DAB1: variants seen among roughly 807,000 people sequenced by gnomAD.
DAB1 encodes the protein DAB adaptor protein 1.
Under a neutral mutation model 64.6 loss-of-function variants are expected in DAB1, and 15 were observed. That is an observed-to-expected ratio of 0.23 (90% CI 0.16 to 0.36). The LOEUF is 0.36. Ranked by LOEUF, DAB1 falls within the 10% of genes least tolerant of loss-of-function variation. DAB1 has a pLI of 1.00. For missense variants in DAB1, 596 were observed against 706.7 expected (o/e 0.84, Z 1.78); for synonymous variants, 235 against 251.9 (o/e 0.93, Z 0.64).
intron 5 of DAB1, among the ~76,000 whole-genome samples, chr1:57,929,152 T>A (rs1227194435): frequency 2.0e-5 from 3 of 152,222 alleles, no homozygotes; most frequent in Non-Finnish European, 4.4e-5. Context: ...TGCAGTGGTA[T>A]CTCATTGTCT....
At chr1:57,500,602 G>C (rs1644279518) in intron 7 of DAB1, among the ~76,000 whole-genome samples, 1 of 152,158 alleles carries the variant, frequency 6.6e-6, no homozygotes, top group South Asian at 2.1e-4. Flanking sequence ...AATCACAAGG[G>C]ATTTGTTTGG....
chr1:57,364,763 G>A (rs988300481), intron 1 of DAB1, among the ~76,000 whole-genome samples: 1 of 151,132 alleles, frequency 6.6e-6, no homozygotes, highest in Non-Finnish European at 1.5e-5. Flanking sequence ...TCAAAGTCAC[G>A]AGAAGAAGTT....
chr1:57,707,122 C>A (rs1473074033), intron 6 of DAB1, among the ~76,000 whole-genome samples: 2 of 151,954 alleles, frequency 1.3e-5, no homozygotes, highest in Middle Eastern at 3.2e-3. Flanking sequence ...CAGATATATT[C>A]TATCACTACA....
rs114793723 is a variant in DAB1, at chr1:57,121,491, C to T, written c.306+15052G>A. Among the ~76,000 whole-genome samples the T allele has an allele frequency of 4.9e-3, 737 of 151,868 alleles. 3 individuals are homozygous for T. Among genetic ancestry groups the T allele is most frequent in the Admixed American group, 0.011 (164 of 15,254 alleles). On this transcript the variant is annotated intron_variant, in intron 4 of 14. Coordinates refer to ENST00000371236, the MANE Select transcript of DAB1 (RefSeq NM_001365792.1). ...CAGCCTTGCAAAAAAGGAATTGTCC[C>T]AACTGGAAATGCTAATTTATGCTTC...
chr1:58,512,161 C>T (rs1320531799), intron 2 of DAB1, among the ~76,000 whole-genome samples: 1 of 152,000 alleles, frequency 6.6e-6, no homozygotes, highest in African/African-American at 2.4e-5. Context: ...TGTTCAATAT[C>T]ACTAATCATC....
chr1:58,027,642 T>C (rs1403167734), intron 5 of DAB1, among the ~76,000 whole-genome samples: 1 of 152,160 alleles, frequency 6.6e-6, no homozygotes, highest in Admixed American at 6.5e-5. Context: ...GCCTGCTTTG[T>C]TCTTCTTCCA....
intron 5 of DAB1, among the ~76,000 whole-genome samples, chr1:58,124,604 A>G (rs1652953069): frequency 6.6e-6 from 1 of 152,210 alleles, no homozygotes; most frequent in African/African-American, 2.4e-5. Context: ...CAGAGAAATG[A>G]TTAAATACTA....
chr1:57,103,187 G>T (rs759255190), intron 4 of DAB1, among the ~76,000 whole-genome samples: 6 of 152,132 alleles, frequency 3.9e-5, no homozygotes, highest in Non-Finnish European at 7.3e-5. Flanking sequence ...TCAGCTGGAG[G>T]GGGGCTGGTG....
intron 11 of DAB1, among the ~76,000 whole-genome samples, chr1:57,016,448 G>T (rs1395976661): frequency 1.3e-5 from 2 of 151,982 alleles, no homozygotes; most frequent in African/African-American, 2.4e-5. Flanking sequence ...GTCAGGAATG[G>T]TGGCACATGC....
intron 4 of DAB1, among the ~76,000 whole-genome samples, chr1:57,087,693 A>G (rs1653232864): frequency 6.6e-6 from 1 of 152,230 alleles, no homozygotes; most frequent in Non-Finnish European, 1.5e-5. Context: ...AAGGACTGGC[A>G]TTGGAACTCC....
intron 6 of DAB1, among the ~76,000 whole-genome samples, chr1:57,792,775 C>T (rs1177654967): frequency 2.6e-5 from 4 of 152,072 alleles, no homozygotes; most frequent in Non-Finnish European, 5.9e-5. Context: ...GCTTGGTTTC[C>T]TTTTATTTAT....
At chr1:57,895,207 C>A (rs956168390) in intron 5 of DAB1, among the ~76,000 whole-genome samples, 4 of 152,100 alleles carry the variant, frequency 2.6e-5, no homozygotes, top group African/African-American at 9.7e-5. Flanking sequence ...TTATGTAGCG[C>A]GTGTGTGCCA....
chr1:58,437,747 G>A (rs1206938957), intron 3 of DAB1, among the ~76,000 whole-genome samples: 1 of 152,176 alleles, frequency 6.6e-6, no homozygotes, highest in Non-Finnish European at 1.5e-5. Flanking sequence ...AAATGTTGTG[G>A]GCCTGCCGCA....
At chr1:57,411,235 G>A (rs747370640) in intron 1 of DAB1, among the ~76,000 whole-genome samples, 5 of 152,288 alleles carry the variant, frequency 3.3e-5, no homozygotes, top group South Asian at 2.1e-4. Context: ...TAGTATATTT[G>A]AGGATCTTAA....
At chr1:57,567,641 A>C (rs1253655510) in intron 7 of DAB1, among the ~76,000 whole-genome samples, 1 of 152,222 alleles carries the variant, frequency 6.6e-6, no homozygotes, top group African/African-American at 2.4e-5. Context: ...TAACAGACAA[A>C]CAGAGAGCCA....
intron 4 of DAB1, among the ~76,000 whole-genome samples, chr1:57,091,208 G>C (rs1174978624): frequency 2.0e-5 from 3 of 152,012 alleles, no homozygotes; most frequent in Admixed American, 6.6e-5. Context: ...CTGGTCTCCG[G>C]TGTCAAAAAG....
intron 7 of DAB1, among the ~76,000 whole-genome samples, chr1:57,461,842 A>G (rs1243234655): frequency 6.6e-6 from 1 of 151,816 alleles, no homozygotes; most frequent in Non-Finnish European, 1.5e-5. Context: ...TTAATAATAT[A>G]ATATTTATAT....
intron 3 of DAB1, among the ~76,000 whole-genome samples, chr1:58,346,497 G>T (rs1455014393): frequency 2.0e-5 from 3 of 152,184 alleles, no homozygotes. Flanking sequence ...CTACATGGTA[G>T]CTCAATACAG....
intron 2 of DAB1, among the ~76,000 whole-genome samples, chr1:57,178,144 T>C (rs1242476462): frequency 6.6e-6 from 1 of 152,132 alleles, no homozygotes; most frequent in East Asian, 1.9e-4. Context: ...TCACTGTTTG[T>C]AAGATTAGAA....
Sources: gnomAD v4.1 joint callset for allele counts (sites outside exome capture counted in the v4.1 genomes callset) on GRCh38, gnomAD v4.1.1 for gene constraint, MANE v1.5 for transcripts, NCBI Gene and HGNC (gene_info 2026-07-23, HGNC 2026-07-21) for gene names.